NSUN7: variants seen among roughly 807,000 people sequenced by gnomAD.
The protein encoded by NSUN7 is protein NSUN7.
NSUN7 carries 39 observed loss-of-function variants against 58.5 expected under a neutral mutation model. That is an observed-to-expected ratio of 0.67 (90% CI 0.52 to 0.87). The LOEUF is 0.87. Among genes scored for constraint, NSUN7 ranks in the 40% least tolerant of loss-of-function variants. The probability of loss-of-function intolerance (pLI) is 0.00; values close to 1 mark genes in which losing one functional copy is unlikely to be tolerated. For synonymous variants in NSUN7, 278 were observed against 303.7 expected (o/e 0.92, Z 0.88); for missense variants, 765 against 844.1 (o/e 0.91, Z 1.16).
chr4:40,781,357 A>G (rs1742556950), intron 7 of NSUN7, among the ~76,000 whole-genome samples: 1 of 152,110 alleles, frequency 6.6e-6, no homozygotes, highest in African/African-American at 2.4e-5. Context: ...GGCCTAAAAT[A>G]TTATACATTA....
At chr4:40,797,384 TCTC>T (rs1242281996) in intron 9 of NSUN7, among the ~76,000 whole-genome samples, 4 of 152,176 alleles carry the variant, frequency 2.6e-5, no homozygotes, top group African/African-American at 9.7e-5. Context: ...CTTCTTGACA[TCTC>T]CACTTAGGGA....
Position 40,811,035 on chromosome 4 carries a change from T to G in NSUN7, c.*2096T>G, listed in dbSNP as rs1412003884. On this transcript the variant is annotated 3_prime_UTR_variant, in exon 12 of 12. Transcript: ENST00000381782. ...TGTTGTCTCATTGTTATGGAATAGT[T>G]TAGGATAATTTTCTGATCTCTACAG... is the stretch of plus-strand genomic sequence containing the variant. The G allele has an allele frequency of 6.6e-6, 1 of 152,202 alleles. No homozygotes were observed. Among genetic ancestry groups the G allele is most frequent in the Non-Finnish European group, 1.5e-5 (1 of 68,038 alleles). The allele number at this position is 152,202 out of a possible 1,614,324, so 9.4% of individuals were successfully genotyped here.
chr4:40,804,431 T>G (rs1226373524), intron 10 of NSUN7, among the ~76,000 whole-genome samples: 1 of 148,600 alleles, frequency 6.7e-6, no homozygotes, highest in Non-Finnish European at 1.5e-5. Flanking sequence ...AGAGCAAGAC[T>G]CCATCTCAAA....
At chr4:40,790,064 C>G (rs1034834563) in intron 7 of NSUN7, among the ~76,000 whole-genome samples, 3 of 121,586 alleles carry the variant, frequency 2.5e-5, no homozygotes, top group Admixed American at 9.1e-5. Flanking sequence ...CCTCCCCCAC[C>G]TTTTTTTTTT....
intron 4 of NSUN7, among the ~76,000 whole-genome samples, chr4:40,769,179 A>G (rs1025466441): frequency 4.6e-5 from 7 of 152,212 alleles, no homozygotes; most frequent in African/African-American, 1.7e-4. Flanking sequence ...ACCATAATCT[A>G]TCACTTGGAC....
intron 10 of NSUN7, among the ~76,000 whole-genome samples, chr4:40,802,826 A>G (rs1227561891): frequency 6.8e-6 from 1 of 146,444 alleles, no homozygotes; most frequent in Non-Finnish European, 1.5e-5. Flanking sequence ...TTCAGGGTAC[A>G]TGTGCACAAT....
At chr4:40,752,831 T>TCA (rs1740906485) in intron 2 of NSUN7, among the ~76,000 whole-genome samples, 1 of 152,248 alleles carries the variant, frequency 6.6e-6, no homozygotes. Context: ...AGTCTCTTTG[T>TCA]TTTTTGTTTC....
At chr4:40,753,542 A>T (rs544801440) in intron 2 of NSUN7, among the ~76,000 whole-genome samples, 1 of 152,322 alleles carries the variant, frequency 6.6e-6, no homozygotes, top group Admixed American at 6.5e-5. Context: ...AAGTGCTGTG[A>T]TCTTTCTTAA....
At chr4:40,786,880 A>G (rs1159990590) in intron 7 of NSUN7, among the ~76,000 whole-genome samples, 1 of 152,206 alleles carries the variant, frequency 6.6e-6, no homozygotes, top group Non-Finnish European at 1.5e-5. Flanking sequence ...CTTGTGGAAG[A>G]TAAGTAAATG....
intron 7 of NSUN7, among the ~76,000 whole-genome samples, chr4:40,789,688 A>G (rs1205471409): frequency 6.6e-6 from 1 of 152,186 alleles, no homozygotes; most frequent in East Asian, 1.9e-4. Flanking sequence ...TATATTGCAG[A>G]TATTTGAAGT....
intron 7 of NSUN7, among the ~76,000 whole-genome samples, chr4:40,788,152 A>T (rs541816660): frequency 2.0e-5 from 3 of 152,254 alleles, no homozygotes; most frequent in Admixed American, 2.0e-4. Flanking sequence ...TCTTCCTGAG[A>T]TGGGAAAGAC....
chr4:40,796,545 G>A (rs983431221), intron 9 of NSUN7, among the ~76,000 whole-genome samples: 2 of 151,958 alleles, frequency 1.3e-5, no homozygotes, highest in Admixed American at 6.6e-5. Context: ...TGGGAGGATT[G>A]CTTGAGCCCA....
Position 40,775,180 on chromosome 4 carries a change from A to G in NSUN7, c.825+230A>G, listed in dbSNP as rs1314388559. 2 of 228,256 alleles carry G rather than the reference A, an allele frequency of 8.8e-6. No homozygotes were observed. The highest frequency in any genetic ancestry group is 1.7e-5 in the Non-Finnish European group (2 of 118,758). The allele number at this position is 228,256 out of a possible 1,614,324, so 14.1% of individuals were successfully genotyped here. ...AGAACATATTCTTCTCCCAGATTCC[A>G]TGAATGGGAAGATTTGCATTGCTGG... On this transcript the variant is annotated intron_variant, in intron 6 of 11. Coordinates refer to ENST00000381782, the MANE Select transcript of NSUN7 (RefSeq NM_024677.6). This position sits in a 1 kb window ranked among gnomAD's most constrained non-coding sequence, Gnocchi z 4.3.
chr4:40,773,867 C>T (rs775767199), intron 4 of NSUN7, among the ~76,000 whole-genome samples: 2 of 151,982 alleles, frequency 1.3e-5, no homozygotes, highest in African/African-American at 2.4e-5. Context: ...AGTGGAATCT[C>T]GGTTCACTGC....
chr4:40,774,028 C>T (rs1742145059), intron 4 of NSUN7, among the ~76,000 whole-genome samples: 1 of 152,120 alleles, frequency 6.6e-6, no homozygotes, highest in African/African-American at 2.4e-5. Context: ...GAACACCTGA[C>T]CTCAGGTGAT....
At chr4:40,753,973 C>T (rs574235205) in intron 2 of NSUN7, among the ~76,000 whole-genome samples, 1 of 152,224 alleles carries the variant, frequency 6.6e-6, no homozygotes, top group African/African-American at 2.4e-5. Flanking sequence ...GTCCATTAAA[C>T]CTCTGTCTTT....
At position 40,778,623 on chromosome 4, in the gene NSUN7, CCT is replaced by C. The variant is rs200740860; in HGVS notation, c.1036+2365_1036+2366del. Among the ~76,000 whole-genome samples the C allele has an allele frequency of 4.0e-3, 605 of 152,310 alleles. 3 individuals carry two copies. Among genetic ancestry groups the C allele is most frequent in the African/African-American group, 0.013 (529 of 41,552 alleles). On this transcript the variant is annotated intron_variant, in intron 7 of 11. Coordinates refer to ENST00000381782, the MANE Select transcript of NSUN7 (RefSeq NM_024677.6). ...CTGCTGGTGCCTTGATCTTCAACTT[CCT>C]AGTCTCCAGACTTGTGAGAAATAAA...
intron 11 of NSUN7, 83 bp downstream of exon 11, chr4:40,807,267 C>T: frequency 7.8e-7 from 1 of 1,276,922 alleles, no homozygotes; most frequent in South Asian, 1.4e-5. Flanking sequence ...AGGAACTTTG[C>T]ACATTCTGTA....
intron 2 of NSUN7, among the ~76,000 whole-genome samples, chr4:40,752,786 T>C (rs1740901818): frequency 6.6e-6 from 1 of 152,294 alleles, no homozygotes; most frequent in Admixed American, 6.5e-5. Context: ...ACTGATTATT[T>C]AGACAGGAAT....
Sources: allele counts gnomAD v4.1 joint callset (sites outside exome capture counted in the v4.1 genomes callset), GRCh38; gene constraint gnomAD v4.1.1; non-coding constraint Gnocchi (gnomAD v3.1); transcripts MANE v1.5; gene names NCBI Gene and HGNC (gene_info 2026-07-23, HGNC 2026-07-21).